CEP128: variants seen among roughly 807,000 people sequenced by gnomAD.
CEP128 encodes centrosomal protein 128, also known as centrosomal protein 128kDa.
In CEP128, 132 loss-of-function variants were observed where a neutral mutation model predicts 156.7. The ratio of observed to expected loss-of-function variants is 0.84; its 90% CI spans 0.73 to 0.97. The LOEUF (loss-of-function observed/expected upper bound fraction) is 0.97. Among genes scored for constraint, CEP128 ranks in the 50% least tolerant of loss-of-function variants. The probability of loss-of-function intolerance (pLI) is 0.00; values close to 1 mark genes in which losing one functional copy is unlikely to be tolerated. For missense variants in CEP128, 1,252 were observed against 1,281.9 expected, an observed-to-expected ratio of 0.98 and a Z score of 0.36; for synonymous variants, 469 against 448.9, an observed-to-expected ratio of 1.04 and a Z score of -0.57.
chr14:80,785,034 T>C lies in CEP128; in HGVS notation c.2072A>G (p.Asp691Gly). The C allele has an allele frequency of 6.2e-7, 1 of 1,614,190 alleles. No individual in the cohort carries two copies. Among genetic ancestry groups the C allele is most frequent in the Non-Finnish European group, 8.5e-7 (1 of 1,179,996 alleles). Residue 691 changes from aspartate to glycine, a missense_variant, in exon 15 of 25, where the codon GAT becomes GGT. Coordinates refer to ENST00000555265, the MANE Select transcript of CEP128 (RefSeq NM_152446.5). ...TIITQLKLER[D>G]VHQRELKDLT... ...ATCTTTCAGCTCCCTCTGGTGCACA[T>C]CTCGTTCCAGCTTTAACTGTGTGAT...
intron 19 of CEP128, among the ~76,000 whole-genome samples, chr14:80,615,550 G>A (rs541651312): frequency 6.6e-6 from 1 of 152,286 alleles, no homozygotes; most frequent in African/African-American, 2.4e-5. Context: ...CAGGGAAAAG[G>A]CTACAAGGCC....
chr14:80,560,888 C>T (rs777062349), intron 20 of CEP128, among the ~76,000 whole-genome samples: 1 of 152,022 alleles, frequency 6.6e-6, no homozygotes, highest in African/African-American at 2.4e-5. Flanking sequence ...GAATAACTAC[C>T]CTTTATATAT....
chr14:80,854,768 C>A (rs1198227573), intron 9 of CEP128, among the ~76,000 whole-genome samples: 1 of 152,124 alleles, frequency 6.6e-6, no homozygotes, highest in Non-Finnish European at 1.5e-5. Context: ...TAGTTAAACA[C>A]AGGACCAAAA....
At chr14:80,763,637 AT>A (rs1398575415) in intron 16 of CEP128, among the ~76,000 whole-genome samples, 2 of 151,954 alleles carry the variant, frequency 1.3e-5, no homozygotes, top group Non-Finnish European at 2.9e-5. Context: ...TAATTTTTTA[AT>A]TTTTTTCAAA....
intron 19 of CEP128, among the ~76,000 whole-genome samples, chr14:80,673,287 A>G (rs535379083): frequency 6.4e-4 from 97 of 152,346 alleles, no homozygotes; most frequent in Non-Finnish European, 1.2e-3. Flanking sequence ...TAAAAGAAAT[A>G]TATTATCATT....
At chr14:80,797,188 C>T (rs1186580106) in intron 13 of CEP128, among the ~76,000 whole-genome samples, 1 of 152,168 alleles carries the variant, frequency 6.6e-6, no homozygotes, top group African/African-American at 2.4e-5. Flanking sequence ...TCTGTAACTA[C>T]AGAGCAACAA....
At chr14:80,493,298 T>C (rs1244955722), downstream of CEP128, among the ~76,000 whole-genome samples, 1 of 152,178 alleles carries the variant, frequency 6.6e-6, no homozygotes, top group Non-Finnish European at 1.5e-5. Flanking sequence ...GTACAGGTAA[T>C]AAATATTGCA....
At chr14:80,690,326 G>C (rs1428033378) in intron 19 of CEP128, among the ~76,000 whole-genome samples, 5 of 150,094 alleles carry the variant, frequency 3.3e-5, no homozygotes, top group Admixed American at 2.7e-4. Flanking sequence ...AGAGGCAGAA[G>C]AATCACTTGA....
chr14:80,589,200 T>G (rs1215900929), intron 19 of CEP128, among the ~76,000 whole-genome samples: 2 of 152,040 alleles, frequency 1.3e-5, no homozygotes, highest in Non-Finnish European at 2.9e-5. Context: ...CTTCAGAGAA[T>G]AAGGCAGCCC....
intron 4 of CEP128, among the ~76,000 whole-genome samples, chr14:80,914,010 TC>T (rs1753927108): frequency 6.6e-6 from 1 of 152,160 alleles, no homozygotes; most frequent in Non-Finnish European, 1.5e-5. Flanking sequence ...AAATAAACCA[TC>T]CTTAAAATTC....
At chr14:80,783,769 A>T (rs1901248870) in intron 15 of CEP128, among the ~76,000 whole-genome samples, 1 of 152,302 alleles carries the variant, frequency 6.6e-6, no homozygotes, top group East Asian at 1.9e-4. Context: ...CATAGGCAGG[A>T]GGCAGCATTT....
intron 19 of CEP128, among the ~76,000 whole-genome samples, chr14:80,651,950 G>A (rs1259870076): frequency 1.3e-5 from 2 of 152,072 alleles, no homozygotes; most frequent in African/African-American, 4.8e-5. Flanking sequence ...GTCCAGAGCT[G>A]AGTTCAAGTC....
rs1475698723 is a variant in CEP128 at position 80,854,251 on chromosome 14, C to T, written c.762+8506G>A. ...CACTCAACCATTGCTGGCAGAACAA[C>T]GTGCAGTTTCAGAACCTCTGGAAAA... is the stretch of plus-strand genomic sequence containing the variant. On this transcript the variant is annotated intron_variant, in intron 9 of 24. Coordinates refer to ENST00000555265, the MANE Select transcript of CEP128 (RefSeq NM_152446.5). 4.6e-5 allele frequency among the ~76,000 whole-genome samples: 7 copies of T among 152,130 alleles called. No homozygotes were observed. In the East Asian group the frequency reaches 9.7e-4, roughly 21 times the overall value.
chr14:80,758,453 C>T (rs926820379), intron 17 of CEP128, among the ~76,000 whole-genome samples: 5 of 147,924 alleles, frequency 3.4e-5, no homozygotes, highest in Admixed American at 6.9e-5. Context: ...ACCCAGGACG[C>T]GGAGGTTGCA....
chr14:80,785,572 A>C, intron 14 of CEP128, 27 bp from the exon 15 acceptor site: 1 of 1,518,916 alleles, frequency 6.6e-7, no homozygotes, highest in Non-Finnish European at 8.8e-7. Flanking sequence ...ATGAAGCAAA[A>C]GAAAAAAATA....
intron 20 of CEP128, among the ~76,000 whole-genome samples, chr14:80,561,699 TCAAAA>T (rs1890680571): frequency 6.6e-6 from 1 of 152,150 alleles, no homozygotes; most frequent in African/African-American, 2.4e-5. Context: ...TCATATAATG[TCAAAA>T]CAGAACAGAA....
chr14:80,863,317 T>C (rs946611063), intron 8 of CEP128, among the ~76,000 whole-genome samples: 1 of 152,212 alleles, frequency 6.6e-6, no homozygotes, highest in Non-Finnish European at 1.5e-5. Flanking sequence ...TATGAAGGTA[T>C]TGATGTTTAT....
At chr14:80,560,905 A>C (rs144637978) in intron 20 of CEP128, among the ~76,000 whole-genome samples, 47 of 152,194 alleles carry the variant, frequency 3.1e-4, no homozygotes, top group African/African-American at 9.6e-4. Flanking sequence ...ATATATATAT[A>C]TCTCCTACTA....
chr14:80,851,505 G>C (rs1201851468), intron 9 of CEP128, among the ~76,000 whole-genome samples: 2 of 151,970 alleles, frequency 1.3e-5, no homozygotes, highest in Non-Finnish European at 2.9e-5. Flanking sequence ...AGACTAATAA[G>C]TACTGTATGT....
Sources: allele counts gnomAD v4.1 joint callset (sites outside exome capture counted in the v4.1 genomes callset), GRCh38; gene constraint gnomAD v4.1.1; transcripts MANE v1.5; gene names NCBI Gene and HGNC (gene_info 2026-07-23, HGNC 2026-07-21).